The following MTMR9 variants were observed in gnomAD, a reference collection of about 807,000 sequenced individuals.
MTMR9 encodes the protein myotubularin related protein 9.
A neutral mutation model predicts 69.5 loss-of-function variants in MTMR9; 39 were observed. That is an observed-to-expected ratio of 0.56 (90% confidence interval 0.43 to 0.73). The LOEUF is 0.73. Among genes scored for constraint, MTMR9 ranks in the 30% least tolerant of loss-of-function variants. The pLI, the probability that MTMR9 is intolerant of heterozygous loss-of-function variation, is 0.00. For missense variants in MTMR9, 900 were observed against 671.2 expected (o/e 1.34, Z -3.77); for synonymous variants, 354 against 240.8 (o/e 1.47, Z -4.35).
chr8:11,316,563 T>C, intron 7 of MTMR9, 110 bp from the exon 8 acceptor site: 1 of 605,570 alleles, frequency 1.7e-6, no homozygotes, highest in Non-Finnish European at 2.8e-6. Flanking sequence ...AATTATATGA[T>C]GTTCCAGGTA....
At chr8:11,309,808 T>G (rs1800120603) in intron 6 of MTMR9, 120 bp downstream of exon 6, 1 of 988,324 alleles carries the variant, frequency 1.0e-6, no homozygotes, top group Non-Finnish European at 1.5e-6. Context: ...TGTAGGCTAG[T>G]CAACACCATC....
chr8:11,318,530 G>A (rs1007024216), intron 8 of MTMR9: 1 of 152,152 alleles, frequency 6.6e-6, no homozygotes, highest in Non-Finnish European at 1.5e-5. Flanking sequence ...TAAAATCTCA[G>A]CTTAAACTGA....
At chr8:11,286,883 C>T (rs1279548966) in intron 1 of MTMR9, among the ~76,000 whole-genome samples, 1 of 152,132 alleles carries the variant, frequency 6.6e-6, no homozygotes, top group Non-Finnish European at 1.5e-5. Context: ...GTCCTGTATT[C>T]TGTCATCTGT....
chr8:11,314,724 A>T (rs1800340164), intron 6 of MTMR9, among the ~76,000 whole-genome samples, 199 bp from the exon 7 acceptor site: 1 of 152,196 alleles, frequency 6.6e-6, no homozygotes, highest in African/African-American at 2.4e-5. Flanking sequence ...TTCCCAAGAG[A>T]ATCTTATCTA....
chr8:11,335,757 T>C, the MTMR9 span, among the ~76,000 whole-genome samples: 1 of 152,246 alleles, frequency 6.6e-6, no homozygotes, highest in Non-Finnish European at 1.5e-5. Flanking sequence ...CCTTGATCTC[T>C]GCCTTCATCT....
intron 5 of MTMR9, among the ~76,000 whole-genome samples, chr8:11,308,910 C>G (rs1253500975): frequency 6.6e-6 from 1 of 152,178 alleles, no homozygotes; most frequent in African/African-American, 2.4e-5. Flanking sequence ...ACCACAAGGC[C>G]AGCTCCTCTG....
chr8:11,284,953 A>G lies in MTMR9; in HGVS notation c.65A>G (p.Tyr22Cys). ...VDNVVLHRPF[Y>C]PAVEGTLCLT... The stretch of plus-strand genomic sequence containing the variant: ...AATGTGGTGCTGCACCGGCCTTTCT[A>G]CCCGGCTGTCGAGGGCACCCTGTGC... The change falls in exon 1 of 10, where the codon TAC (tyrosine) becomes TGC (cysteine). Residue 22 changes from tyrosine to cysteine, a missense_variant. Transcript: ENST00000221086. The G allele has an allele frequency of 6.2e-7, 1 of 1,613,676 alleles. No individual in the cohort carries two copies. Among genetic ancestry groups the G allele is most frequent in the Non-Finnish European group, 8.5e-7 (1 of 1,179,876 alleles).
intron 2 of MTMR9, among the ~76,000 whole-genome samples, chr8:11,296,821 G>C (rs557970429): frequency 2.9e-4 from 44 of 152,136 alleles, no homozygotes; most frequent in African/African-American, 1.0e-3. Context: ...ATAGTTTTTT[G>C]TTTGTTTTTA....
intron 1 of MTMR9, among the ~76,000 whole-genome samples, chr8:11,288,895 G>A (rs562418202): frequency 3.9e-5 from 6 of 152,338 alleles, no homozygotes; most frequent in African/African-American, 7.2e-5. Flanking sequence ...ATGGTAGGCC[G>A]GGCACGGTGG....
chr8:11,287,998 TATA>T (rs1162672642), intron 1 of MTMR9, among the ~76,000 whole-genome samples: 16 of 124,042 alleles, frequency 1.3e-4, no homozygotes, highest in East Asian at 2.2e-4. Flanking sequence ...ATATATTACA[TATA>T]ATACATAGTA....
chr8:11,307,974 T>C (rs141124863), intron 5 of MTMR9, among the ~76,000 whole-genome samples: 32 of 152,338 alleles, frequency 2.1e-4, no homozygotes, highest in Admixed American at 2.1e-3. Context: ...TGTTCACAAA[T>C]GTTTTCTCCC....
downstream of MTMR9, chr8:11,330,975 A>AAT (rs1434032438): frequency 6.9e-7 from 1 of 1,441,438 alleles, no homozygotes; most frequent in African/African-American, 1.4e-5. Context: ...TCAGCGGGAA[A>AAT]ATAGGCGTGC....
intron 6 of MTMR9, among the ~76,000 whole-genome samples, chr8:11,311,199 A>G (rs1232038750): frequency 4.6e-5 from 7 of 152,204 alleles, no homozygotes; most frequent in Non-Finnish European, 1.5e-5. Context: ...TATCCTGAGA[A>G]TGGGGTTAGC....
chr8:11,304,619 C>T (rs1585119972), intron 3 of MTMR9, among the ~76,000 whole-genome samples: 1 of 152,190 alleles, frequency 6.6e-6, no homozygotes, highest in Admixed American at 6.5e-5. Context: ...AAAGCACTTT[C>T]TGGGAACTGG....
chr8:11,331,551 C>T (rs1334922041), downstream of MTMR9: 25 of 1,613,804 alleles, frequency 1.5e-5, no homozygotes, highest in Non-Finnish European at 2.1e-5. Context: ...CACCCTCTGC[C>T]TTGAGAGCCA....
At chr8:11,285,382 A>T (rs560777139) in intron 1 of MTMR9, 3 of 256,490 alleles carry the variant, frequency 1.2e-5, no homozygotes, top group Non-Finnish European at 2.2e-5. Flanking sequence ...TTCTTGCCCC[A>T]TCGTATTCCT....
chr8:11,311,857 C>T (rs915827205), intron 6 of MTMR9, among the ~76,000 whole-genome samples: 1 of 151,334 alleles, frequency 6.6e-6, no homozygotes, highest in Non-Finnish European at 1.5e-5. Context: ...GCTTTATCAC[C>T]TAAGTTGATG....
intron 7 of MTMR9, among the ~76,000 whole-genome samples, chr8:11,315,467 A>G (rs1199342355): frequency 6.6e-6 from 1 of 152,206 alleles, no homozygotes; most frequent in Non-Finnish European, 1.5e-5. Flanking sequence ...CACCCTGTGA[A>G]GCTTCCTTCA....
At chr8:11,331,465 G>C, downstream of MTMR9, 1 of 1,613,942 alleles carries the variant, frequency 6.2e-7, no homozygotes, top group East Asian at 2.2e-5. Flanking sequence ...TGTGCCTACA[G>C]TGCAGTTCAG....
Sources: gnomAD v4.1 joint callset for allele counts (sites outside exome capture counted in the v4.1 genomes callset) on GRCh38, gnomAD v4.1.1 for gene constraint, MANE v1.5 for transcripts, NCBI Gene and HGNC (gene_info 2026-07-23, HGNC 2026-07-21) for gene names.